RBM27: variants seen among roughly 807,000 people sequenced by gnomAD.
The protein encoded by RBM27 is RNA-binding protein 27.
RBM27 carries 22 observed loss-of-function variants against 135.3 expected under a neutral mutation model. The observed-to-expected ratio is 0.16, with a 90% confidence interval of 0.12 to 0.23. The LOEUF (loss-of-function observed/expected upper bound fraction) is 0.23. RBM27 is among the 10% of genes least tolerant of loss of function. RBM27 has a pLI of 1.00. For synonymous variants in RBM27, 481 were observed against 442.4 expected (o/e 1.09, Z -1.10); for missense variants, 1,009 against 1,281.0 (o/e 0.79, Z 3.24).
chr5:146,204,280 A>G lies in RBM27; in HGVS notation c.59+456A>G, dbSNP rs984466986. Among the ~76,000 whole-genome samples the G allele has an allele frequency of 5.9e-5, 9 of 152,312 alleles. No individual in the cohort carries two copies. In the East Asian group the frequency reaches 1.7e-3, roughly 29 times the overall value. On this transcript the variant is annotated intron_variant, in intron 1 of 20. Coordinates refer to ENST00000265271, the MANE Select transcript of RBM27 (RefSeq NM_018989.2). ...GGTCTAGAAGCAAAATATCGAGGGC[A>G]TTTTCGAAATATGAGGGCAGAAGCG...
In RBM27 at chr5:146,272,077, A is replaced by C. The variant is rs1282741719; in HGVS notation, c.2988+403A>C. 3.3e-5 allele frequency among the ~76,000 whole-genome samples: 5 copies of C among 152,246 alleles called. No homozygotes were observed. In the East Asian group the frequency reaches 7.7e-4, roughly 23 times the overall value. ...CCACTTACTTTTAGGCAAACATGCA[A>C]ATAGAGATTTGCTACAGGCAAATGT... is the stretch of plus-strand genomic sequence containing the variant. On this transcript the variant is annotated intron_variant, in intron 19 of 20. Coordinates refer to ENST00000265271, the MANE Select transcript of RBM27 (RefSeq NM_018989.2).
intron 12 of RBM27, 132 bp from the exon 13 acceptor site, chr5:146,261,377 TA>T (rs544563087): frequency 1.2e-3 from 955 of 770,756 alleles, no homozygotes; most frequent in Non-Finnish European, 1.9e-3. Context: ...GCTCTATCTC[TA>T]AAACAGTAAT....
chr5:146,222,659 G>T (rs1287676803), intron 2 of RBM27, among the ~76,000 whole-genome samples: 1 of 152,186 alleles, frequency 6.6e-6, no homozygotes, highest in Non-Finnish European at 1.5e-5. Context: ...ACTCCAGCCT[G>T]GGCAACAGAG....
intron 19 of RBM27, among the ~76,000 whole-genome samples, chr5:146,281,002 C>T (rs547311167): frequency 2.0e-5 from 3 of 152,082 alleles, no homozygotes; most frequent in South Asian, 2.1e-4. Flanking sequence ...GGATTACAGG[C>T]GCCCACCACC....
intron 1 of RBM27, among the ~76,000 whole-genome samples, chr5:146,211,958 C>G (rs1755978294): frequency 6.6e-6 from 1 of 152,080 alleles, no homozygotes. Flanking sequence ...TACAGTCAGA[C>G]TCATTGTAAA....
intron 3 of RBM27, among the ~76,000 whole-genome samples, chr5:146,226,155 A>G (rs1295998230): frequency 6.6e-6 from 1 of 151,936 alleles, no homozygotes; most frequent in Non-Finnish European, 1.5e-5. Flanking sequence ...GGCATGAGCC[A>G]CTGCGCCAGG....
chr5:146,235,766 A>G (rs1757131428), intron 7 of RBM27, among the ~76,000 whole-genome samples: 2 of 151,994 alleles, frequency 1.3e-5, no homozygotes, highest in South Asian at 4.2e-4. Context: ...GACTCACTGC[A>G]ACCTCCGCCT....
intron 17 of RBM27, 73 bp downstream of exon 17, chr5:146,269,657 A>C: frequency 9.3e-7 from 1 of 1,070,320 alleles, no homozygotes; most frequent in East Asian, 2.9e-5. Context: ...TTGAAAGTAC[A>C]ATGGGACCCT....
In RBM27 at chr5:146,235,896, G is replaced by T. The variant is rs547564675; in HGVS notation, c.1145-1402G>T. On this transcript the variant is annotated intron_variant, in intron 7 of 20. Transcript: ENST00000265271. ...TTGTAGAGACAGGGTTCGCCATGTT[G>T]CCCAGGCTGGTCTTGAACTCCTGGG... Among the ~76,000 whole-genome samples, 3 of 151,988 alleles carry T rather than the reference G, an allele frequency of 2.0e-5. No individual in the cohort carries two copies. The East Asian group carries it at 5.8e-4, about 29-fold the overall frequency.
At chr5:146,245,721 C>G (rs1025180181) in intron 8 of RBM27, among the ~76,000 whole-genome samples, 3 of 152,018 alleles carry the variant, frequency 2.0e-5, no homozygotes, top group Non-Finnish European at 4.4e-5. Flanking sequence ...CACGGTGGCA[C>G]TAAATTATCA....
chr5:146,233,872 A>G, intron 7 of RBM27, 129 bp downstream of exon 7: 1 of 564,972 alleles, frequency 1.8e-6, no homozygotes. Flanking sequence ...ATATATTCCC[A>G]TAATTAAGAT....
At chr5:146,282,000 C>CTTTTTTT (rs777368235) in intron 19 of RBM27, among the ~76,000 whole-genome samples, 33 of 101,470 alleles carry the variant, frequency 3.3e-4, no homozygotes, top group Admixed American at 4.8e-4. Context: ...TATTTTTCAT[C>CTTTTTTT]TTTTTTTTTT....
At chr5:146,230,986 A>G (rs2126752476) in intron 6 of RBM27, 69 bp downstream of exon 6, 31 of 1,487,044 alleles carry the variant, frequency 2.1e-5, no homozygotes, top group Non-Finnish European at 2.6e-5. Context: ...CATATATTGC[A>G]TATCTTTTAG....
chr5:146,271,953 A>G (rs564565706), intron 19 of RBM27, among the ~76,000 whole-genome samples: 1 of 152,236 alleles, frequency 6.6e-6, no homozygotes, highest in Non-Finnish European at 1.5e-5. Context: ...CCAGGCATTT[A>G]TAGTTAATAG....
intron 1 of RBM27, among the ~76,000 whole-genome samples, chr5:146,208,450 T>G (rs1755798188): frequency 6.6e-6 from 1 of 152,182 alleles, no homozygotes; most frequent in South Asian, 2.1e-4. Flanking sequence ...TGGAATAGAC[T>G]AGTACCACCA....
chr5:146,245,918 G>A (rs923387100), intron 8 of RBM27, among the ~76,000 whole-genome samples: 5 of 152,214 alleles, frequency 3.3e-5, no homozygotes, highest in African/African-American at 7.2e-5. Flanking sequence ...AAAAAGCTTG[G>A]GGACTGCTGG....
intron 11 of RBM27, among the ~76,000 whole-genome samples, chr5:146,258,897 T>G (rs1287894564): frequency 1.3e-5 from 2 of 151,992 alleles, no homozygotes; most frequent in Non-Finnish European, 2.9e-5. Context: ...TAGTTGAGAT[T>G]ACAGGTGCCA....
chr5:146,229,644 A>C (rs561303397), intron 4 of RBM27, 73 bp from the exon 5 acceptor site: 1 of 1,301,008 alleles, frequency 7.7e-7, no homozygotes, highest in Non-Finnish European at 1.1e-6. Context: ...CAAGAGTAGT[A>C]TTTATACTAT....
At chr5:146,229,187 C>T (rs965563355) in intron 4 of RBM27, 150 bp downstream of exon 4, 9 of 625,364 alleles carry the variant, frequency 1.4e-5, no homozygotes, top group Admixed American at 2.9e-5. Flanking sequence ...TTCATTCTTT[C>T]TGTTTTTTGT....
Sources: allele counts gnomAD v4.1 joint callset (sites outside exome capture counted in the v4.1 genomes callset), GRCh38; gene constraint gnomAD v4.1.1; transcripts MANE v1.5; gene names NCBI Gene and HGNC (gene_info 2026-07-23, HGNC 2026-07-21).